The following ABCA4 variants were observed in gnomAD, a reference collection of about 807,000 sequenced individuals.
ABCA4 encodes retinal-specific phospholipid-transporting ATPase ABCA4.
In ABCA4, 196 loss-of-function variants were observed where a neutral mutation model predicts 263.7. The ratio of observed to expected loss-of-function variants is 0.74; its 90% CI spans 0.66 to 0.84. ABCA4 has a LOEUF of 0.84. Among genes scored for constraint, ABCA4 ranks in the 40% least tolerant of loss-of-function variants. The pLI is 0.00. For synonymous variants in ABCA4, 1,133 were observed against 1,094.2 expected (o/e 1.04, Z -0.70); for missense variants, 2,792 against 2,855.1 (o/e 0.98, Z 0.50).
At chr1:94,022,958 T>C (rs1275126651) in intron 32 of ABCA4, among the ~76,000 whole-genome samples, 1 of 152,166 alleles carries the variant, frequency 6.6e-6, no homozygotes, top group East Asian at 1.9e-4. Context: ...TCTAAACCTC[T>C]GGAAATATTT....
chr1:94,020,457 T>G (rs1659864755), intron 35 of ABCA4, among the ~76,000 whole-genome samples: 1 of 152,240 alleles, frequency 6.6e-6, no homozygotes, highest in South Asian at 2.1e-4. Context: ...TTGATAAAAC[T>G]ACAGATCATA....
chr1:94,088,578 T>C (rs978645599), intron 6 of ABCA4, among the ~76,000 whole-genome samples: 2 of 152,190 alleles, frequency 1.3e-5, no homozygotes, highest in African/African-American at 4.8e-5. Context: ...CTGTGTGCCC[T>C]TTCTGTGGCT....
intron 6 of ABCA4, among the ~76,000 whole-genome samples, chr1:94,083,807 G>A (rs1661765580): frequency 1.3e-5 from 2 of 152,158 alleles, no homozygotes; most frequent in African/African-American, 4.8e-5. Flanking sequence ...CGGGCCTGGG[G>A]TGCCCATCTG....
chr1:94,044,181 A>C (rs1660606533), intron 20 of ABCA4, among the ~76,000 whole-genome samples: 2 of 150,790 alleles, frequency 1.3e-5, no homozygotes, highest in Admixed American at 1.3e-4. Context: ...AGCTTCTTAG[A>C]TAAGAAATAA....
At chr1:94,032,266 T>C (rs1476139430) in intron 26 of ABCA4, among the ~76,000 whole-genome samples, 3 of 152,192 alleles carry the variant, frequency 2.0e-5, no homozygotes, top group Non-Finnish European at 2.9e-5. Context: ...TAAAATTCTC[T>C]ATTAACATTA....
intron 26 of ABCA4, among the ~76,000 whole-genome samples, chr1:94,035,693 G>A (rs1403403010): frequency 3.3e-5 from 5 of 152,200 alleles, no homozygotes; most frequent in African/African-American, 4.8e-5. Flanking sequence ...AAGGAGAATC[G>A]CTGCAAAGCT....
rs200692438 is a variant in ABCA4 at position 94,060,733 on chromosome 1, A to C, written c.1964T>G (p.Phe655Cys). Reference sequence around the variant, plus strand: ...CCATGCCAGCACCATGAAGATAGGGAAACAGCGGTTCAGGATGATCATGAA... The same window carrying C: ...CCATGCCAGCACCATGAAGATAGGGCAACAGCGGTTCAGGATGATCATGAA... ...DSFMIILNRC[F>C]PIFMVLAWIY... The change falls in exon 14 of 50, where the codon TTC becomes TGC. Residue 655 changes from phenylalanine (F) to cysteine (C), a missense_variant. Transcript: ENST00000370225. 3.0e-4 allele frequency: 482 copies of C among 1,613,460 alleles called. No homozygotes were observed. The highest frequency in any genetic ancestry group is 3.5e-4 in the Admixed American group (21 of 59,922).
intron 49 of ABCA4, among the ~76,000 whole-genome samples, chr1:93,994,853 G>A (rs1310659441): frequency 2.0e-5 from 3 of 152,198 alleles, no homozygotes; most frequent in Non-Finnish European, 4.4e-5. Context: ...GCCTGGCCCA[G>A]AGGTGATGTG....
rs117658512 is a variant in ABCA4 at position 94,052,966 on chromosome 1, T to C, written c.2588-1268A>G. ...GACTGGTCACCAGAAACACCACACATGTGAAGAATGGAACTTTCAGTCCCA... is the reference window on the plus strand; with the variant it reads ...GACTGGTCACCAGAAACACCACACACGTGAAGAATGGAACTTTCAGTCCCA... On this transcript the variant is annotated intron_variant, in intron 16 of 49. Transcript: ENST00000370225. Among the ~76,000 whole-genome samples, 6 of 152,260 alleles carry C rather than the reference T, an allele frequency of 3.9e-5. No homozygotes were observed. In the East Asian group the frequency reaches 9.7e-4, roughly 25 times the overall value.
chr1:94,014,816 G>A, intron 37 of ABCA4, 126 bp from the exon 38 acceptor site: 1 of 1,202,642 alleles, frequency 8.3e-7, no homozygotes, highest in South Asian at 1.2e-5. Context: ...AGTCCCAGGG[G>A]ACCAGAGAGA....
In ABCA4 at chr1:94,111,588, C is replaced by G. The variant is rs1662606961; in HGVS notation, c.161-9G>C. On this transcript the variant is annotated splice_polypyrimidine_tract_variant and intron_variant, in intron 2 of 49. Coordinates refer to ENST00000370225, the MANE Select transcript of ABCA4 (RefSeq NM_000350.3). ...CTTGTTGGGGAAATGGCCTTTAAAACAGAAAATGAGGACAAGACGGGATTA... is the reference window on the plus strand; with the variant it reads ...CTTGTTGGGGAAATGGCCTTTAAAAGAGAAAATGAGGACAAGACGGGATTA... 1.2e-6 allele frequency: 2 copies of G among 1,614,016 alleles called. No individual in the cohort carries two copies. Among genetic ancestry groups the G allele is most frequent in the African/African-American group, 2.7e-5 (2 of 74,934 alleles).
intron 6 of ABCA4, among the ~76,000 whole-genome samples, chr1:94,090,564 A>T (rs1441248632): frequency 2.6e-5 from 4 of 152,044 alleles, no homozygotes; most frequent in Non-Finnish European, 5.9e-5. Flanking sequence ...TTCTTCCCCC[A>T]TCACCATGCT....
intron 1 of ABCA4, among the ~76,000 whole-genome samples, chr1:94,119,761 A>G (rs916533327): frequency 6.6e-6 from 1 of 152,172 alleles, no homozygotes; most frequent in African/African-American, 2.4e-5. Flanking sequence ...TACTTAGCTA[A>G]CACCTTTTCA....
intron 47 of ABCA4, among the ~76,000 whole-genome samples, chr1:94,000,121 C>T (rs4147869): frequency 0.13 from 19,414 of 152,196 alleles, 2,077 homozygotes; most frequent in African/African-American, 0.29. Context: ...CTGTTCCTCC[C>T]ACCAACCAGC....
chr1:94,105,543 CT>C (rs1446448678), intron 4 of ABCA4, among the ~76,000 whole-genome samples: 3 of 149,898 alleles, frequency 2.0e-5, no homozygotes. Context: ...AACTGGGAGC[CT>C]GAGGAAAGAA....
At chr1:94,011,615 A>G (rs371932149) in intron 38 of ABCA4, among the ~76,000 whole-genome samples, 26 of 152,320 alleles carry the variant, frequency 1.7e-4, no homozygotes, top group African/African-American at 6.3e-4. Flanking sequence ...CCAAGGAGCT[A>G]ATCAATTAAA....
chr1:94,011,755 G>T (rs977867532), intron 38 of ABCA4, among the ~76,000 whole-genome samples: 1 of 152,212 alleles, frequency 6.6e-6, no homozygotes, highest in African/African-American at 2.4e-5. Flanking sequence ...TAACTGTGAG[G>T]AACCTGCATT....
intron 1 of ABCA4, among the ~76,000 whole-genome samples, chr1:94,116,970 C>CTTTCTTTCTT (rs1557812224): frequency 3.0e-5 from 2 of 66,664 alleles, no homozygotes; most frequent in Non-Finnish European, 3.1e-5. Context: ...CTTTCTTTCT[C>CTTTCTTTCTT]TTTCTTTCTT....
intron 4 of ABCA4, among the ~76,000 whole-genome samples, chr1:94,105,779 T>C (rs1209515): frequency 0.63 from 95,234 of 151,908 alleles, 30,824 homozygotes; most frequent in Non-Finnish European, 0.71. Flanking sequence ...TCTTTTACCA[T>C]TAATCCTCCC....
Sources: allele counts gnomAD v4.1 joint callset (sites outside exome capture counted in the v4.1 genomes callset), GRCh38; gene constraint gnomAD v4.1.1; transcripts MANE v1.5; gene names NCBI Gene and HGNC (gene_info 2026-07-23, HGNC 2026-07-21).